Variants in ATP8B3 observed in about 807,000 individuals in gnomAD.
ATP8B3 encodes the protein ATPase phospholipid transporting 8B3, also known as phospholipid-transporting ATPase IK.
A neutral mutation model predicts 140.9 loss-of-function variants in ATP8B3; 141 were observed. The observed-to-expected ratio is 1.00, with a 90% CI of 0.87 to 1.15. ATP8B3 has a LOEUF of 1.15. Ranked by LOEUF, ATP8B3 falls within the 50% of genes most tolerant of loss-of-function variation. The probability of loss-of-function intolerance (pLI) is 0.00; values close to 1 mark genes in which losing one functional copy is unlikely to be tolerated. For synonymous variants in ATP8B3, 765 were observed against 714.6 expected (o/e 1.07, Z -1.13); for missense variants, 1,874 against 1,740.6 (o/e 1.08, Z -1.36).
In ATP8B3 at chr19:1,789,896, G is replaced by A. The variant is rs367965772; in HGVS notation, c.2472C>T (p.Asp824=). ...CACCCTGAGCGACACTGACCAGGAA[G>A]TCTCCGTTAATGACCAAGGCCAGCT... ...QVKLALVING[D]FLDKLLVSLR... Residue 824 remains aspartate, a synonymous_variant, in exon 22 of 29, where the codon GAC becomes GAT. Transcript: ENST00000310127. 1.3e-4 allele frequency: 213 copies of A among 1,611,496 alleles called. No individual in the cohort carries two copies. Among genetic ancestry groups the A allele is most frequent in the Non-Finnish European group, 1.7e-4 (200 of 1,179,200 alleles).
chr19:1,790,014 G>A (rs758743301), intron 21 of ATP8B3, 25 bp from the exon 22 acceptor site: 30 of 1,564,310 alleles, frequency 1.9e-5, no homozygotes, highest in Non-Finnish European at 2.4e-5. Flanking sequence ...GGTCAGCGGG[G>A]CAGGGGAGGG....
Position 1,806,320 on chromosome 19 carries a change from C to T in ATP8B3, c.678-151G>A. ...TCAGGAAGCCTTCCCCGGGCTCCCA[C>T]CCCACTCCCCGCGGGTCCACGCTCC... On this transcript the variant is annotated intron_variant, in intron 7 of 28. Coordinates refer to ENST00000310127, the MANE Select transcript of ATP8B3 (RefSeq NM_138813.4). This position sits in a 1 kb window ranked among gnomAD's most constrained non-coding sequence, Gnocchi z 5.6. 1.4e-6 allele frequency: 2 copies of T among 1,477,108 alleles called. No homozygotes were observed. Among genetic ancestry groups the T allele is most frequent in the East Asian group, 2.5e-5 (1 of 40,458 alleles). 91.5% of individuals were successfully genotyped at this position (1,477,108 alleles called of 1,614,324 possible).
At chr19:1,810,037 G>C (rs1360741461) in intron 3 of ATP8B3, among the ~76,000 whole-genome samples, 1 of 152,350 alleles carries the variant, frequency 6.6e-6, no homozygotes, top group Non-Finnish European at 1.5e-5. Flanking sequence ...ATTTTACAGA[G>C]GGGGGTAAAC....
rs779283602 is a variant in ATP8B3, at chr19:1,795,940, T to C, written c.1990A>G (p.Thr664Ala). ...CTGTGCAAGCGTTCGAAGATGACCGTGTCGGCGCCCTTGGTGTACAGGCAG... is the reference window on the plus strand; with the variant it reads ...CTGTGCAAGCGTTCGAAGATGACCGCGTCGGCGCCCTTGGTGTACAGGCAG... ...AICLYTKGAD[T>A]VIFERLHRRG... The change falls in exon 18 of 29, where the codon ACG (threonine) becomes GCG (alanine). Residue 664 changes from threonine (T) to alanine (A), a missense_variant. Coordinates refer to ENST00000310127, the MANE Select transcript of ATP8B3 (RefSeq NM_138813.4). 6.2e-7 allele frequency: 1 copy of C among 1,613,268 alleles called. No homozygotes were observed. Among genetic ancestry groups the C allele is most frequent in the Non-Finnish European group, 8.5e-7 (1 of 1,179,834 alleles).
Position 1,796,809 on chromosome 19 carries a change from A to T in ATP8B3, c.1655T>A (p.Leu552His). The T allele has an allele frequency of 6.2e-7, 1 of 1,612,358 alleles. No individual in the cohort carries two copies. Residue 552 changes from leucine to histidine, a missense_variant, in exon 16 of 29, where the codon CTC becomes CAC. By Grantham distance (99) the Leu-to-His change is moderately conservative. This residue lies in a region of ATP8B3 where 1,032 missense variants were observed against 963.6 expected (regional missense o/e 1.07). Transcript: ENST00000310127. Reference sequence around the variant, plus strand: ...GGCCTCGTCCCCGTTGGTCCGCACGAGGTGCAGCAGGGCCGCATTGTGGAA... The same window carrying T: ...GGCCTCGTCCCCGTTGGTCCGCACGTGGTGCAGCAGGGCCGCATTGTGGAA... ...LLFHNAALLH[L>H]VRTNGDEAVR...
Position 1,782,301 on chromosome 19 carries a change from G to T in ATP8B3, c.*727C>A. ...GGGATTCAGATGCTACGTCACTGCT[G>T]AACCCTGGTCCCCTCCGCAGAGGGC... On this transcript the variant is annotated 3_prime_UTR_variant, in exon 29 of 29. Coordinates refer to ENST00000310127, the MANE Select transcript of ATP8B3 (RefSeq NM_138813.4). The T allele has an allele frequency of 2.8e-6, 1 of 351,976 alleles. No homozygotes were observed. The allele number at this position is 351,976 out of a possible 1,614,324, so 21.8% of individuals were successfully genotyped here. A position where few individuals can be genotyped will look rare whatever the true frequency, so the allele number is the denominator to read the frequency against.
At chr19:1,808,162 A>G (rs2069083471) in intron 5 of ATP8B3, 60 bp downstream of exon 5, 1 of 1,381,854 alleles carries the variant, frequency 7.2e-7, no homozygotes, top group Admixed American at 1.9e-5. Flanking sequence ...CACACAGACA[A>G]ACACATCGAT....
chr19:1,795,298 T>A (rs1235209792), intron 18 of ATP8B3, among the ~76,000 whole-genome samples: 1 of 150,788 alleles, frequency 6.6e-6, no homozygotes, highest in Non-Finnish European at 1.5e-5. Flanking sequence ...ATGTCTGTAA[T>A]CCCAGCACTT....
At chr19:1,791,720 C>T (rs751713939) in intron 20 of ATP8B3, 30 bp downstream of exon 20, 50 of 1,557,216 alleles carry the variant, frequency 3.2e-5, no homozygotes, top group Non-Finnish European at 4.1e-5. Context: ...GCTGCAGGGG[C>T]TTAGCCACCC....
At position 1,805,747 on chromosome 19, in the gene ATP8B3, A is replaced by G; in HGVS notation, c.821+141T>C. ...CTCCCCTCAGTGCCTGGCAGCACCC[A>G]CGCCCCAGACACTCATGGGGTGAGT... On this transcript the variant is annotated intron_variant, in intron 9 of 28. Transcript: ENST00000310127. The surrounding 1 kb of genome is among the most constrained non-coding windows in gnomAD (Gnocchi z 5.2). 1 of 1,005,746 alleles carries G rather than the reference A, an allele frequency of 9.9e-7. No homozygotes were observed. The highest frequency in any genetic ancestry group is 1.5e-6 in the Non-Finnish European group (1 of 674,616). The allele number at this position is 1,005,746 out of a possible 1,614,324, so 62.3% of individuals were successfully genotyped here.
chr19:1,809,590 A>C (rs752789428), intron 4 of ATP8B3, 53 bp downstream of exon 4: 152 of 1,487,538 alleles, frequency 1.0e-4, no homozygotes, highest in Non-Finnish European at 1.3e-4. Context: ...AGATTCCCCG[A>C]GGGTACCACG....
chr19:1,806,572 T>C lies in ATP8B3; in HGVS notation c.677+56A>G. On this transcript the variant is annotated intron_variant, in intron 7 of 28. Coordinates refer to ENST00000310127, the MANE Select transcript of ATP8B3 (RefSeq NM_138813.4). The surrounding 1 kb of genome is among the most constrained non-coding windows in gnomAD (Gnocchi z 5.6). ...GGACACTTGCCGAGGCCGATGACCC[T>C]GCTGGGCTGGAGCCCCCGTGTCCCC... 6.5e-7 allele frequency: 1 copy of C among 1,548,604 alleles called. No homozygotes were observed. Among genetic ancestry groups the C allele is most frequent in the Non-Finnish European group, 8.7e-7 (1 of 1,146,434 alleles).
In ATP8B3 at chr19:1,802,363, A is replaced by G. The variant is rs563931610; in HGVS notation, c.1063+124T>C. On this transcript the variant is annotated intron_variant, in intron 11 of 28. Coordinates refer to ENST00000310127, the MANE Select transcript of ATP8B3 (RefSeq NM_138813.4). Reference sequence around the variant, plus strand: ...CACCCATCTGCCCATCTATTTGTCTATCCATCCATGCACTCATCCTCTCAC... The same window carrying G: ...CACCCATCTGCCCATCTATTTGTCTGTCCATCCATGCACTCATCCTCTCAC... 4.1e-4 allele frequency: 319 copies of G among 774,576 alleles called. 2 individuals carry two copies. Among genetic ancestry groups the G allele is most frequent in the Non-Finnish European group, 2.3e-4 (124 of 546,040 alleles). The allele number at this position is 774,576 out of a possible 1,614,324, so 48.0% of individuals were successfully genotyped here.
Position 1,807,512 on chromosome 19 carries a change from C to T in ATP8B3, c.517-246G>A, listed in dbSNP as rs562818106. 3.3e-5 allele frequency among the ~76,000 whole-genome samples: 5 copies of T among 152,284 alleles called. No individual in the cohort carries two copies. In the East Asian group the frequency reaches 7.7e-4, roughly 24 times the overall value. On this transcript the variant is annotated intron_variant, in intron 5 of 28. Coordinates refer to ENST00000310127, the MANE Select transcript of ATP8B3 (RefSeq NM_138813.4). The surrounding 1 kb of genome is among the most constrained non-coding windows in gnomAD (Gnocchi z 5.9). The stretch of plus-strand genomic sequence containing the variant: ...AAACTCCCCTTCTCCCGTCCAAGCC[C>T]AGCTCCCACGGTGCCTTCTCCAGGG...
At position 1,794,432 on chromosome 19, in the gene ATP8B3, G is replaced by A. The variant is rs2068607196; in HGVS notation, c.2055+1443C>T. On this transcript the variant is annotated intron_variant, in intron 18 of 28. Coordinates refer to ENST00000310127, the MANE Select transcript of ATP8B3 (RefSeq NM_138813.4). This position sits in a 1 kb window ranked among gnomAD's most constrained non-coding sequence, Gnocchi z 4.8. ...CATCCTGGCAGAGCAGGGGACACAG[G>A]ACATCTTCCCACACACACCCCGCTG... 6.6e-6 allele frequency among the ~76,000 whole-genome samples: 1 copy of A among 151,884 alleles called. No individual in the cohort carries two copies. The highest frequency in any genetic ancestry group is 1.5e-5 in the Non-Finnish European group (1 of 67,972).
In ATP8B3 at chr19:1,807,279, G is replaced by A; in HGVS notation, c.517-13C>T. The A allele has an allele frequency of 1.2e-6, 2 of 1,606,624 alleles. No homozygotes were observed. The highest frequency in any genetic ancestry group is 1.7e-6 in the Non-Finnish European group (2 of 1,175,178). On this transcript the variant is annotated splice_polypyrimidine_tract_variant and intron_variant, in intron 5 of 28. Transcript: ENST00000310127. This position sits in a 1 kb window ranked among gnomAD's most constrained non-coding sequence, Gnocchi z 5.9. The stretch of plus-strand genomic sequence containing the variant: ...TGTCGGGAATGCTCTGACGTGAGGG[G>A]GCCACAGGAAGGGTCACACCAGCCC...
At position 1,807,246 on chromosome 19, in the gene ATP8B3, C is replaced by T. The variant is rs770415491; in HGVS notation, c.537G>A (p.Thr179=). ...IILQSIPDIS[T]LPWFSLSTPM... is the part of the protein sequence containing the mutation. ...GGGTACTGAGCGAGAACCAGGGCAG[C>T]GTGGAGATGTCGGGAATGCTCTGAC... The change falls in exon 6 of 29, where the codon ACG becomes ACA. Residue 179 remains threonine, a synonymous_variant. Transcript: ENST00000310127. This position sits in a 1 kb window ranked among gnomAD's most constrained non-coding sequence, Gnocchi z 5.9. The T allele has an allele frequency of 9.9e-6, 16 of 1,612,454 alleles. No individual in the cohort carries two copies. The Admixed American group carries it at 1.7e-4, about 17-fold the overall frequency.
intron 14 of ATP8B3, chr19:1,799,739 G>A (rs1474975396): frequency 1.6e-6 from 1 of 606,136 alleles, no homozygotes; most frequent in Admixed American, 2.9e-5. Context: ...ATTCCTGCCT[G>A]GGTAGACAGA....
intron 14 of ATP8B3, 40 bp from the exon 15 acceptor site, chr19:1,797,045 C>T (rs1343978537): frequency 6.2e-7 from 1 of 1,612,438 alleles, no homozygotes; most frequent in Admixed American, 1.7e-5. Context: ...CTCCCACAGG[C>T]CCCCCATTCG....
Sources: allele counts gnomAD v4.1 joint callset (sites outside exome capture counted in the v4.1 genomes callset), GRCh38; gene constraint gnomAD v4.1.1; regional missense constraint gnomAD v4.1.1; non-coding constraint Gnocchi (gnomAD v3.1); transcripts MANE v1.5; gene names NCBI Gene and HGNC (gene_info 2026-07-23, HGNC 2026-07-21).